PNMA6E: variants seen among roughly 807,000 people sequenced by gnomAD.
PNMA6E encodes PNMA family member 6E, also known as paraneoplastic antigen Ma6E.
For synonymous variants in PNMA6E, 43 were observed against 17.1 expected, an observed-to-expected ratio of 2.52 and a Z score of -3.74; for missense variants, 78 against 50.8, an observed-to-expected ratio of 1.53 and a Z score of -1.63.
At chrX:153,399,026 C>G (rs782465894) in intron 1 of PNMA6E, 106 bp from the exon 2 acceptor site, 1 of 289,980 alleles carries the variant, frequency 3.4e-6, no homozygotes, top group South Asian at 2.4e-4. Flanking sequence ...GTTCCTCTGC[C>G]TCCTTGTTTT....
intron 1 of PNMA6E, among the ~76,000 whole-genome samples, 189 bp downstream of exon 1, chrX:153,401,055 C>A (rs369981144): frequency 9.1e-6 from 1 of 109,441 alleles, no homozygotes; most frequent in Non-Finnish European, 1.9e-5. Flanking sequence ...GGAAGCCCAC[C>A]GTGACAGCCA....
At chrX:153,410,806 C>T in the PNMA6E span, among the ~76,000 whole-genome samples, 2 of 112,608 alleles carry the variant, frequency 1.8e-5, no homozygotes, top group African/African-American at 6.5e-5. Context: ...TTTTCTTTTA[C>T]GGTCTTTTTC....
chrX:153,402,009 G>A (rs1253400623), upstream of PNMA6E, among the ~76,000 whole-genome samples: 1 of 109,882 alleles, frequency 9.1e-6, no homozygotes, highest in Non-Finnish European at 1.9e-5. Flanking sequence ...ATTTTTAGTA[G>A]AGACGGGGTT....
In PNMA6E at chrX:153,395,909, C is replaced by G. The variant is rs1381316186; in HGVS notation, c.*997G>C. The G allele has an allele frequency of 1.8e-5, 2 of 111,909 alleles. No individual in the cohort carries two copies. The highest frequency in any genetic ancestry group is 6.5e-5 in the African/African-American group (2 of 30,703). The allele number at this position is 111,909 out of a possible 1,213,427, so 9.2% of individuals were successfully genotyped here. ...TCCACTGGCTTCAGGGAGCCCCCTC[C>G]TGAGCCCATCCCTATGGCCTTCACA... On this transcript the variant is annotated 3_prime_UTR_variant, in exon 2 of 2. Transcript: ENST00000445091.
the PNMA6E span, among the ~76,000 whole-genome samples, chrX:153,410,731 G>A: frequency 8.8e-6 from 1 of 113,075 alleles, no homozygotes; most frequent in African/African-American, 3.2e-5. Context: ...GGAGGCTCCC[G>A]CCTCGTGCTC....
In PNMA6E at chrX:153,396,219, G is replaced by A. The variant is rs188618320; in HGVS notation, c.*687C>T. 162 of 122,445 alleles carry A rather than the reference G, an allele frequency of 1.3e-3. No homozygotes were observed. Among genetic ancestry groups the A allele is most frequent in the Non-Finnish European group, 2.1e-3 (112 of 53,102 alleles). The allele number at this position is 122,445 out of a possible 1,213,427, so 10.1% of individuals were successfully genotyped here. ...CAGAGAAGAACACACGCAGCTCCAC[G>A]AGAACAAGCAGCCCCTGGCCTAGAT... On this transcript the variant is annotated 3_prime_UTR_variant, in exon 2 of 2. Coordinates refer to ENST00000445091, the MANE Select transcript of PNMA6E (RefSeq NM_001367770.1).
At chrX:153,412,405 C>A in the PNMA6E span, among the ~76,000 whole-genome samples, 1 of 112,509 alleles carries the variant, frequency 8.9e-6, no homozygotes, top group Non-Finnish European at 1.9e-5. Flanking sequence ...AGGGACACGG[C>A]GGTAGTAAGC....
Position 153,397,568 on chromosome X carries a change from G to A in PNMA6E, c.1282C>T (p.Arg428Cys), listed in dbSNP as rs1297745501. The A allele has an allele frequency of 5.7e-5, 17 of 297,948 alleles. No homozygotes were observed. Among genetic ancestry groups the A allele is most frequent in the East Asian group, 3.8e-4 (8 of 21,019 alleles). 24.6% of individuals were successfully genotyped at this position (297,948 alleles called of 1,213,427 possible). Residue 428 changes from arginine (R) to cysteine (C), a missense_variant, in exon 2 of 2, where the codon CGC (arginine) becomes TGC (cysteine). By Grantham distance (180) the Arg-to-Cys change is radical (BLOSUM62 -3). Coordinates refer to ENST00000445091, the MANE Select transcript of PNMA6E (RefSeq NM_001367770.1). ...GCCCTCTGCAGCAGGCCTTCCAGGC[G>A]CACCACGAAGGCAAACAGCCCCTCC... ...PQEGLFAFVV[R>C]LEGLLQRAVE...
At chrX:153,400,740 C>T (rs1215429167) in intron 1 of PNMA6E, among the ~76,000 whole-genome samples, 3 of 110,249 alleles carry the variant, frequency 2.7e-5, no homozygotes, top group South Asian at 3.9e-4. Flanking sequence ...CAGGCTGGGC[C>T]GCCCTCCGTC....
chrX:153,408,821 C>T, the PNMA6E span, among the ~76,000 whole-genome samples: 179 of 112,683 alleles, frequency 1.6e-3, no homozygotes, highest in Non-Finnish European at 2.5e-3. Flanking sequence ...AGACCACCTC[C>T]CTCCAAGGGC....
At chrX:153,413,251 G>A in the PNMA6E span, among the ~76,000 whole-genome samples, 11 of 106,042 alleles carry the variant, frequency 1.0e-4, no homozygotes, top group Non-Finnish European at 1.7e-4. Context: ...TGTTTGTGTG[G>A]GTTCTTTTTT....
rs1556970521 is a variant in PNMA6E, at chrX:153,397,310, T to C, written c.1540A>G (p.Ser514Gly). 3.4e-6 allele frequency: 1 copy of C among 297,464 alleles called. No homozygotes were observed. The highest frequency in any genetic ancestry group is 2.7e-5 in the African/African-American group (1 of 37,040). The allele number at this position is 297,464 out of a possible 1,213,427, so 24.5% of individuals were successfully genotyped here. Residue 514 changes from serine (S) to glycine (G), a missense_variant, in exon 2 of 2, where the codon AGT becomes GGT. Coordinates refer to ENST00000445091, the MANE Select transcript of PNMA6E (RefSeq NM_001367770.1). ...GCCTGGGCAGCAGCTGGGTCTTCACTCTCCACTGGGGCCGCTGCCCAGGCC... is the reference window on the plus strand; with the variant it reads ...GCCTGGGCAGCAGCTGGGTCTTCACCCTCCACTGGGGCCGCTGCCCAGGCC... ...GVAWAAAPVE[S>G]EDPAAAQASP...
At chrX:153,409,974 C>A in the PNMA6E span, among the ~76,000 whole-genome samples, 824 of 112,494 alleles carry the variant, frequency 7.3e-3, 2 homozygotes, top group Admixed American at 0.017. Flanking sequence ...CCTATTCCCT[C>A]GTGTCGGAGT....
At chrX:153,413,719 G>C in the PNMA6E span, among the ~76,000 whole-genome samples, 1 of 112,075 alleles carries the variant, frequency 8.9e-6, no homozygotes, top group Non-Finnish European at 1.9e-5. Flanking sequence ...TCCGCCAGGT[G>C]CCTTCCAGGT....
At chrX:153,403,376 C>A (rs1410346237), upstream of PNMA6E, among the ~76,000 whole-genome samples, 2 of 112,156 alleles carry the variant, frequency 1.8e-5, no homozygotes, top group African/African-American at 6.5e-5. Context: ...CTTACACTTG[C>A]AACTTACACA....
the PNMA6E span, among the ~76,000 whole-genome samples, chrX:153,410,509 C>T: frequency 8.9e-6 from 1 of 111,744 alleles, no homozygotes; most frequent in Non-Finnish European, 1.9e-5. Flanking sequence ...GGCTCCGAAG[C>T]TCTCCCTGCA....
rs192251397 is a variant in PNMA6E, at chrX:153,396,564, G to A, written c.*342C>T. ...TTTCCCCCTGTCTCTCCCAACTCAC[G>A]GCCTGGGTTGGGGGCAGACATCTTC... On this transcript the variant is annotated 3_prime_UTR_variant, in exon 2 of 2. Transcript: ENST00000445091. The A allele has an allele frequency of 7.0e-3, 884 of 125,888 alleles. 9 individuals carry two copies. The highest frequency in any genetic ancestry group is 0.027 in the African/African-American group (848 of 31,579). 10.4% of individuals were successfully genotyped at this position (125,888 alleles called of 1,213,427 possible). A position where few individuals can be genotyped will look rare whatever the true frequency, so the allele number is the denominator to read the frequency against.
rs5987178 is a variant in PNMA6E, at chrX:153,400,269, G to A, written c.-72+975C>T. Among the ~76,000 whole-genome samples, 1,001 of 112,367 alleles carry A rather than the reference G, an allele frequency of 8.9e-3. 8 individuals are homozygous for A. Among genetic ancestry groups the A allele is most frequent in the African/African-American group, 0.03 (932 of 30,942 alleles). Reference sequence around the variant, plus strand: ...CCTGTAGGGGGCCAGGCTCCTCACGGCACTGCCACGCCGACAGCCTCCAGG... The same window carrying A: ...CCTGTAGGGGGCCAGGCTCCTCACGACACTGCCACGCCGACAGCCTCCAGG... On this transcript the variant is annotated intron_variant, in intron 1 of 1. Coordinates refer to ENST00000445091, the MANE Select transcript of PNMA6E (RefSeq NM_001367770.1).
rs2124270899 is a variant in PNMA6E, at chrX:153,398,877, A to T, written c.-28T>A. On this transcript the variant is annotated 5_prime_UTR_variant, in exon 2 of 2. Transcript: ENST00000445091. ...CAGAGGACTTGAGGGAGGGAGCCTGATCAATCAGGAATGTGTGCTGACTGT... is the reference window on the plus strand; with the variant it reads ...CAGAGGACTTGAGGGAGGGAGCCTGTTCAATCAGGAATGTGTGCTGACTGT... The T allele has an allele frequency of 3.4e-6, 1 of 297,627 alleles. No homozygotes were observed. Among genetic ancestry groups the T allele is most frequent in the East Asian group, 4.8e-5 (1 of 21,009 alleles). 24.5% of individuals were successfully genotyped at this position (297,627 alleles called of 1,213,427 possible).
Sources: allele counts gnomAD v4.1 joint callset (sites outside exome capture counted in the v4.1 genomes callset), GRCh38; gene constraint gnomAD v4.1.1; transcripts MANE v1.5; gene names NCBI Gene and HGNC (gene_info 2026-07-23, HGNC 2026-07-21).